PTK7: variants seen among roughly 807,000 people sequenced by gnomAD.
PTK7 encodes the protein inactive tyrosine-protein kinase 7.
A neutral mutation model predicts 116.6 loss-of-function variants in PTK7; 39 were observed. That is an observed-to-expected ratio of 0.33 (90% CI 0.26 to 0.44). The LOEUF is 0.44. PTK7 is among the 20% of genes least tolerant of loss of function. The pLI is 1.00. For synonymous variants in PTK7, 546 were observed against 563.6 expected, an observed-to-expected ratio of 0.97 and a Z score of 0.44; for missense variants, 1,169 against 1,425.6, an observed-to-expected ratio of 0.82 and a Z score of 2.90.
chr6:43,084,005 G>T (rs1465671959), intron 1 of PTK7, among the ~76,000 whole-genome samples: 1 of 152,180 alleles, frequency 6.6e-6, no homozygotes, highest in African/African-American at 2.4e-5. Flanking sequence ...CTGCAGACCT[G>T]CCCATCAGAA....
intron 1 of PTK7, among the ~76,000 whole-genome samples, chr6:43,112,358 T>A (rs750245071): frequency 1.9e-4 from 29 of 151,834 alleles, no homozygotes; most frequent in Non-Finnish European, 2.9e-4. Flanking sequence ...AACCTCCGCC[T>A]CCCAGGTTCA....
chr6:43,076,618 G>C lies in PTK7; in HGVS notation c.79+51G>C. 4 of 1,528,382 alleles carry C rather than the reference G, an allele frequency of 2.6e-6. No individual in the cohort carries two copies. Among genetic ancestry groups the C allele is most frequent in the Non-Finnish European group, 3.5e-6 (4 of 1,139,442 alleles). 94.7% of individuals were successfully genotyped at this position (1,528,382 alleles called of 1,614,324 possible). A position where few individuals can be genotyped will look rare whatever the true frequency, so the allele number is the denominator to read the frequency against. ...AGAGCTTGGGAAGCGCGGGAGTCCC[G>C]TGGGCAAAAGGCTGCGCCCGGGGCG... On this transcript the variant is annotated intron_variant, in intron 1 of 19. Coordinates refer to ENST00000230419, the MANE Select transcript of PTK7 (RefSeq NM_002821.5). The surrounding 1 kb of genome is among the most constrained non-coding windows in gnomAD (Gnocchi z 5.7).
chr6:43,157,350 ATATATATATATATATTTTTTTTTTTC>A (rs1432209855), intron 17 of PTK7, among the ~76,000 whole-genome samples: 5 of 5,456 alleles, frequency 9.2e-4, no homozygotes, highest in African/African-American at 1.3e-3. Flanking sequence ...ATATATATAT[ATATATATATATATATTTTTTTTTTTC>A]TTTTTTTTTT....
chr6:43,116,651 T>TGTGTGCGCGC (rs1323606377), intron 1 of PTK7, among the ~76,000 whole-genome samples: 1 of 77,270 alleles, frequency 1.3e-5, no homozygotes, highest in African/African-American at 6.5e-5. Flanking sequence ...TGTGTGTGTG[T>TGTGTGCGCGC]GCGCGCGCAC....
intron 7 of PTK7, among the ~76,000 whole-genome samples, chr6:43,136,763 G>T (rs1274156829): frequency 6.6e-6 from 1 of 152,160 alleles, no homozygotes; most frequent in Non-Finnish European, 1.5e-5. Context: ...TATTTTAGGA[G>T]GCCAAGGTGG....
intron 1 of PTK7, among the ~76,000 whole-genome samples, chr6:43,121,579 C>T (rs907612223): frequency 6.6e-6 from 1 of 152,228 alleles, no homozygotes; most frequent in African/African-American, 2.4e-5. Context: ...TGCTCTGCAG[C>T]TCACTGGGTC....
rs899260197 is a variant in PTK7, at chr6:43,086,245, T to G, written c.79+9678T>G. On this transcript the variant is annotated intron_variant, in intron 1 of 19. Coordinates refer to ENST00000230419, the MANE Select transcript of PTK7 (RefSeq NM_002821.5). ...GGTTTTTATAATCACTGGATGACTG[T>G]GGGGGTTTCCCCAGTCAGCGACTCT... Among the ~76,000 whole-genome samples the G allele has an allele frequency of 9.9e-5, 15 of 152,076 alleles. No homozygotes were observed. In the East Asian group the frequency reaches 2.5e-3, roughly 25 times the overall value.
intron 5 of PTK7, 25 bp from the exon 6 acceptor site, chr6:43,131,991 C>A: frequency 6.2e-7 from 1 of 1,613,482 alleles, no homozygotes; most frequent in Non-Finnish European, 8.5e-7. Context: ...GCCACTTTCT[C>A]CAAATTGCAC....
At chr6:43,081,913 C>T (rs1766403488) in intron 1 of PTK7, among the ~76,000 whole-genome samples, 1 of 152,094 alleles carries the variant, frequency 6.6e-6, no homozygotes, top group Non-Finnish European at 1.5e-5. Context: ...ACCTTCCTTC[C>T]CTGATCCTGG....
intron 1 of PTK7, among the ~76,000 whole-genome samples, chr6:43,116,062 C>T (rs1768497412): frequency 6.6e-6 from 1 of 152,134 alleles, no homozygotes; most frequent in African/African-American, 2.4e-5. Context: ...CTCCAGCCCC[C>T]TCCCTCAGTC....
intron 17 of PTK7, among the ~76,000 whole-genome samples, chr6:43,157,326 CTATATATATATATATATATATATA>C (rs376896300): frequency 4.5e-5 from 1 of 22,006 alleles, no homozygotes; most frequent in Non-Finnish European, 8.0e-5. Context: ...GACACACACG[CTATATATATATATATATATATATA>C]TATATATATA....
At chr6:43,158,771 G>T in intron 17 of PTK7, 46 bp from the exon 18 acceptor site, 1 of 1,591,352 alleles carries the variant, frequency 6.3e-7, no homozygotes. Flanking sequence ...TGGTCATCTT[G>T]ATGCCTATTC....
At position 43,158,977 on chromosome 6, in the gene PTK7, G is replaced by T; in HGVS notation, c.2873+9G>T. On this transcript the variant is annotated intron_variant, in intron 18 of 19. Transcript: ENST00000230419. ...AAGGATGTGTACAACAGGTAGAAGG[G>T]CATGCGTGGGGTGGGGGCTCCCCAT... 1 of 1,613,198 alleles carries T rather than the reference G, an allele frequency of 6.2e-7. No individual in the cohort carries two copies.
intron 1 of PTK7, among the ~76,000 whole-genome samples, chr6:43,126,561 T>C (rs1176621329): frequency 6.6e-6 from 1 of 152,220 alleles, no homozygotes; most frequent in Non-Finnish European, 1.5e-5. Context: ...CAGTCGGGAA[T>C]GTGACTCCTC....
At chr6:43,109,934 G>A (rs571303070) in intron 1 of PTK7, among the ~76,000 whole-genome samples, 2 of 150,244 alleles carry the variant, frequency 1.3e-5, no homozygotes, top group South Asian at 2.1e-4. Context: ...TCCTGACCTC[G>A]TGATCCACCT....
intron 5 of PTK7, 147 bp from the exon 6 acceptor site, chr6:43,131,869 C>A: frequency 9.4e-7 from 1 of 1,063,316 alleles, no homozygotes; most frequent in Non-Finnish European, 1.4e-6. Flanking sequence ...ACACACCAGT[C>A]TGGAGTGTCA....
chr6:43,141,958 A>C lies in PTK7; in HGVS notation c.1796A>C (p.Glu599Ala), dbSNP rs775809486. The C allele has an allele frequency of 1.4e-5, 22 of 1,610,792 alleles. No individual in the cohort carries two copies. The South Asian group carries it at 2.3e-4, about 17-fold the overall frequency. The change falls in exon 12 of 20, where the codon GAG becomes GCG. Residue 599 changes from glutamate (E) to alanine (A), a missense_variant. Around this residue, in one of 3 missense-constraint regions of PTK7, gnomAD observed 678 missense variants for 853.8 expected, o/e 0.79. Transcript: ENST00000230419. This position sits in a 1 kb window ranked among gnomAD's most constrained non-coding sequence, Gnocchi z 4.9. ...TTTATCACCTTCAAAGTGGAACCAGAGCGTACGACTGTGTACCAGGGCCAC... is the reference window on the plus strand; with the variant it reads ...TTTATCACCTTCAAAGTGGAACCAGCGCGTACGACTGTGTACCAGGGCCAC... ...AVFITFKVEPERTTVYQGHTA... is the reference protein window; with the variant it reads ...AVFITFKVEPARTTVYQGHTA...
At position 43,129,002 on chromosome 6, in the gene PTK7, C is replaced by T. The variant is rs759720210; in HGVS notation, c.105C>T (p.Ile35=). Residue 35 remains isoleucine, a synonymous_variant, in exon 2 of 20, where the codon ATC becomes ATT. Transcript: ENST00000230419. This position sits in a 1 kb window ranked among gnomAD's most constrained non-coding sequence, Gnocchi z 4.5. ...GTACCCAGACAGCCATTGTCTTCAT[C>T]AAGCAGCCGTCCTCCCAGGATGCAC... The part of the protein sequence containing the change: ...LGGTQTAIVF[I]KQPSSQDALQ... 1.9e-6 allele frequency: 3 copies of T among 1,611,558 alleles called. No individual in the cohort carries two copies. The Admixed American group carries it at 5.0e-5, about 27-fold the overall frequency.
At chr6:43,142,757 G>A (rs748883745) in intron 13 of PTK7, 7 of 209,968 alleles carry the variant, frequency 3.3e-5, no homozygotes, top group Non-Finnish European at 6.9e-5. Context: ...ATCCACAGGT[G>A]AAAGTGGTTT....
Sources: gnomAD v4.1 joint callset for allele counts (sites outside exome capture counted in the v4.1 genomes callset) on GRCh38, gnomAD v4.1.1 for gene constraint, gnomAD v4.1.1 regional missense constraint, Gnocchi (gnomAD v3.1) non-coding constraint, MANE v1.5 for transcripts, NCBI Gene and HGNC (gene_info 2026-07-23, HGNC 2026-07-21) for gene names.